The following TFEC variants were observed in gnomAD, a reference collection of about 807,000 sequenced individuals.
TFEC encodes the protein transcription factor EC, also known as class E basic helix-loop-helix protein 34.
Under a neutral mutation model 41.6 loss-of-function variants are expected in TFEC, and 31 were observed. That is an observed-to-expected ratio of 0.74 (90% CI 0.56 to 1.01). The LOEUF (loss-of-function observed/expected upper bound fraction) is 1.01. TFEC is among the 50% of genes least tolerant of loss of function. The pLI is 0.00. For missense variants in TFEC, 402 were observed against 404.1 expected, an observed-to-expected ratio of 0.99 and a Z score of 0.04; for synonymous variants, 143 against 140.6, an observed-to-expected ratio of 1.02 and a Z score of -0.12.
Position 115,950,890 on chromosome 7 carries a change from G to C in TFEC, c.499C>G (p.Pro167Ala), listed in dbSNP as rs1243313838. The stretch of plus-strand genomic sequence containing the variant: ...TGAACTCACGGATCATTAGACTTTG[G>C]AATAAGAGTGCCAAGCTCCTTGATT... ...YRIKELGTLI[P>A]KSNDPDMRWN... The change falls in exon 6 of 8, where the codon CCA (proline) becomes GCA (alanine). Residue 167 changes from proline to alanine, a missense_variant. By Grantham distance (27) the Pro-to-Ala change is conservative. Coordinates refer to ENST00000265440, the MANE Select transcript of TFEC (RefSeq NM_012252.4). 22 of 1,603,674 alleles carry C rather than the reference G, an allele frequency of 1.4e-5. No homozygotes were observed. The highest frequency in any genetic ancestry group is 1.8e-5 in the Non-Finnish European group (21 of 1,174,594).
At chr7:115,948,981 G>A (rs1222068469) in intron 6 of TFEC, among the ~76,000 whole-genome samples, 2 of 151,718 alleles carry the variant, frequency 1.3e-5, no homozygotes, top group Non-Finnish European at 2.9e-5. Context: ...TCCTTAAGCT[G>A]ATAAGCAACT....
intron 1 of TFEC, among the ~76,000 whole-genome samples, chr7:116,135,432 T>A (rs1432123919): frequency 6.6e-6 from 1 of 152,150 alleles, no homozygotes; most frequent in Non-Finnish European, 1.5e-5. Flanking sequence ...GTGTTGTTCT[T>A]GAAGAATTCT....
At chr7:116,027,856 G>C (rs964056489) in intron 1 of TFEC, among the ~76,000 whole-genome samples, 1 of 152,084 alleles carries the variant, frequency 6.6e-6, no homozygotes, top group Non-Finnish European at 1.5e-5. Flanking sequence ...CCACCTCTAC[G>C]TCCTAGACTC....
At chr7:115,961,597 T>C (rs1197661522) in intron 3 of TFEC, among the ~76,000 whole-genome samples, 2 of 151,602 alleles carry the variant, frequency 1.3e-5, no homozygotes, top group Non-Finnish European at 3.0e-5. Flanking sequence ...GATAGATTCA[T>C]AAACCAAAGC....
chr7:116,037,064 T>C (rs1397167235), intron 3 of TFEC, among the ~76,000 whole-genome samples: 1 of 151,998 alleles, frequency 6.6e-6, no homozygotes, highest in Non-Finnish European at 1.5e-5. Flanking sequence ...TGCAAGTAAA[T>C]AAATAGTAGA....
At position 116,004,048 on chromosome 7, in the gene TFEC, T is replaced by C. The variant is rs1794697558; in HGVS notation, c.-72-19535A>G. Among the ~76,000 whole-genome samples, 3 of 152,124 alleles carry C rather than the reference T, an allele frequency of 2.0e-5. No homozygotes were observed. In the South Asian group the frequency reaches 6.2e-4, roughly 32 times the overall value. On this transcript the variant is annotated intron_variant, in intron 1 of 7. Coordinates refer to ENST00000265440, the MANE Select transcript of TFEC (RefSeq NM_012252.4). ...TTAAAAGAAAAATCTAAAATTAACC[T>C]GAGCTTCCAACTTAGGAAACAAGAA...
chr7:116,046,561 G>A (rs1358632487), intron 3 of TFEC, among the ~76,000 whole-genome samples: 1 of 152,158 alleles, frequency 6.6e-6, no homozygotes, highest in Non-Finnish European at 1.5e-5. Context: ...TTTATCAACA[G>A]TGTGAAAATG....
intron 3 of TFEC, among the ~76,000 whole-genome samples, chr7:116,044,450 C>T (rs907363243): frequency 6.6e-6 from 1 of 152,134 alleles, no homozygotes; most frequent in Non-Finnish European, 1.5e-5. Context: ...AATATTATTT[C>T]TTTTCACAGT....
At chr7:115,955,988 A>AAG (rs1259941719) in intron 4 of TFEC, among the ~76,000 whole-genome samples, 1 of 151,950 alleles carries the variant, frequency 6.6e-6, no homozygotes, top group Non-Finnish European at 1.5e-5. Flanking sequence ...CTTTATTCTT[A>AAG]CGGAGGATCT....
chr7:116,104,366 T>C (rs1006534749), intron 3 of TFEC, among the ~76,000 whole-genome samples: 13 of 152,130 alleles, frequency 8.5e-5, no homozygotes, highest in African/African-American at 2.7e-4. Flanking sequence ...GTATAATATA[T>C]GTTATTCAGG....
upstream of TFEC, among the ~76,000 whole-genome samples, chr7:116,031,144 T>C (rs1014702015): frequency 3.3e-5 from 5 of 152,190 alleles, no homozygotes; most frequent in Admixed American, 2.6e-4. Context: ...GCATCATTTT[T>C]TTTTCAATTT....
chr7:116,143,852 G>C (rs1297144954), intron 1 of TFEC, among the ~76,000 whole-genome samples: 1 of 152,134 alleles, frequency 6.6e-6, no homozygotes, highest in Non-Finnish European at 1.5e-5. Context: ...GAGATGAAGG[G>C]CTCCCAGACA....
chr7:116,138,087 C>T (rs1301112969), intron 1 of TFEC, among the ~76,000 whole-genome samples: 5 of 152,200 alleles, frequency 3.3e-5, no homozygotes, highest in African/African-American at 9.6e-5. Flanking sequence ...ATTTCTGCTA[C>T]GTAAATCTGC....
intron 3 of TFEC, among the ~76,000 whole-genome samples, chr7:115,957,764 A>G (rs1006801071): frequency 7.9e-5 from 12 of 151,862 alleles, no homozygotes; most frequent in African/African-American, 2.9e-4. Context: ...ATAATAAAAC[A>G]ATGCTTTAAC....
rs150455335 is a variant in TFEC, at chr7:116,090,389, C to T, written c.198+20319G>A. Among the ~76,000 whole-genome samples the T allele has an allele frequency of 2.0e-3, 299 of 152,208 alleles. No homozygotes were observed. In the Middle Eastern group the frequency reaches 0.02, roughly 10 times the overall value. On this transcript the variant is annotated intron_variant, in intron 3 of 8. Transcript: ENST00000484212. The stretch of plus-strand genomic sequence containing the variant: ...CTTGAGCTCCTATGCTCGGCCTGCT[C>T]CCACACTGTGGAGTGTACTTTCATT...
chr7:116,026,224 C>T (rs1795579202), intron 1 of TFEC, among the ~76,000 whole-genome samples: 1 of 152,204 alleles, frequency 6.6e-6, no homozygotes. Context: ...CCATGCTTTT[C>T]ACAACTCTGC....
chr7:116,059,847 A>T (rs943307901), intron 3 of TFEC, among the ~76,000 whole-genome samples: 1 of 152,066 alleles, frequency 6.6e-6, no homozygotes, highest in African/African-American at 2.4e-5. Context: ...AACCCAATAA[A>T]GGGCATCTAT....
chr7:116,093,540 C>A (rs1192264305), intron 3 of TFEC, among the ~76,000 whole-genome samples: 1 of 152,088 alleles, frequency 6.6e-6, no homozygotes, highest in East Asian at 1.9e-4. Context: ...TAGCGTGGGT[C>A]TGATTTTGTT....
chr7:115,986,746 C>A (rs140595399), intron 1 of TFEC, among the ~76,000 whole-genome samples: 194 of 117,418 alleles, frequency 1.7e-3, no homozygotes, highest in Middle Eastern at 8.2e-3. Flanking sequence ...ACATCACACA[C>A]CAGGGCCTGT....
Sources: gnomAD v4.1 joint callset for allele counts (sites outside exome capture counted in the v4.1 genomes callset) on GRCh38, gnomAD v4.1.1 for gene constraint, MANE v1.5 for transcripts, NCBI Gene and HGNC (gene_info 2026-07-23, HGNC 2026-07-21) for gene names.